ALK: variants seen among roughly 807,000 people sequenced by gnomAD.
The protein encoded by ALK is ALK tyrosine kinase receptor.
ALK carries 74 observed loss-of-function variants against 163.1 expected under a neutral mutation model. The observed-to-expected ratio is 0.45, with a 90% CI of 0.38 to 0.55. The LOEUF is 0.55. ALK is among the 20% of genes least tolerant of loss of function. The pLI is 0.00. For missense variants in ALK, 2,063 were observed against 2,105.3 expected, an observed-to-expected ratio of 0.98 and a Z score of 0.39; for synonymous variants, 960 against 843.2, an observed-to-expected ratio of 1.14 and a Z score of -2.40.
intron 3 of ALK, among the ~76,000 whole-genome samples, chr2:29,540,043 T>C (rs1352648758): frequency 2.6e-5 from 4 of 152,154 alleles, no homozygotes; most frequent in Non-Finnish European, 5.9e-5. Flanking sequence ...TAGTTAATAG[T>C]GGATATAGTG....
intron 14 of ALK, 84 bp downstream of exon 14, chr2:29,233,481 G>A: frequency 4.4e-6 from 7 of 1,577,438 alleles, no homozygotes; most frequent in South Asian, 1.1e-5. Flanking sequence ...AGCATCTGAG[G>A]TGTTTCTATC....
chr2:29,443,973 C>T (rs1305666373), intron 4 of ALK, among the ~76,000 whole-genome samples: 1 of 152,162 alleles, frequency 6.6e-6, no homozygotes, highest in African/African-American at 2.4e-5. Flanking sequence ...ACTGTTTCTA[C>T]CAGATTGCTC....
intron 4 of ALK, among the ~76,000 whole-genome samples, chr2:29,529,590 C>A (rs1311596954): frequency 6.6e-6 from 1 of 152,184 alleles, no homozygotes; most frequent in Non-Finnish European, 1.5e-5. Flanking sequence ...CAAAGCTGGG[C>A]AAGTTTTGAT....
At chr2:29,600,413 G>A (rs1020277276) in intron 3 of ALK, among the ~76,000 whole-genome samples, 5 of 152,214 alleles carry the variant, frequency 3.3e-5, no homozygotes, top group Non-Finnish European at 5.9e-5. Flanking sequence ...AGAGGAGGTG[G>A]TTATCAAAGA....
chr2:29,755,637 C>T (rs1465982721), intron 1 of ALK, among the ~76,000 whole-genome samples: 1 of 152,178 alleles, frequency 6.6e-6, no homozygotes, highest in East Asian at 1.9e-4. Context: ...AGGCAACAAA[C>T]TGAGCACATT....
intron 13 of ALK, among the ~76,000 whole-genome samples, chr2:29,238,493 G>A (rs1013461924): frequency 3.9e-5 from 6 of 152,154 alleles, no homozygotes; most frequent in Admixed American, 1.3e-4. Flanking sequence ...CACCGCACCC[G>A]GCCCCTGCAG....
chr2:29,531,001 T>A (rs1044933958), intron 4 of ALK, among the ~76,000 whole-genome samples: 20 of 152,162 alleles, frequency 1.3e-4, no homozygotes, highest in African/African-American at 4.8e-4. Context: ...AAGGAGGCCA[T>A]TCAGCCTTAT....
chr2:29,348,111 C>T (rs977711031), intron 5 of ALK, among the ~76,000 whole-genome samples: 7 of 152,120 alleles, frequency 4.6e-5, no homozygotes, highest in African/African-American at 1.2e-4. Flanking sequence ...GAAGGAGTTG[C>T]TTCTTCTCAG....
chr2:29,229,626 T>C (rs974079512), intron 15 of ALK, among the ~76,000 whole-genome samples: 1 of 152,188 alleles, frequency 6.6e-6, no homozygotes, highest in African/African-American at 2.4e-5. Context: ...TCTGAGCCTG[T>C]GTTTCCTCAC....
intron 5 of ALK, among the ~76,000 whole-genome samples, chr2:29,347,216 T>C (rs1667974978): frequency 6.6e-6 from 1 of 152,168 alleles, no homozygotes; most frequent in Non-Finnish European, 1.5e-5. Flanking sequence ...TGGCTGCCAG[T>C]TCAGGGCTTC....
chr2:29,745,977 A>T (rs1460441815), intron 1 of ALK, among the ~76,000 whole-genome samples: 6 of 152,204 alleles, frequency 3.9e-5, no homozygotes, highest in Admixed American at 1.3e-4. Context: ...AGGTATAATA[A>T]TAGCAATCTT....
chr2:29,435,853 T>C (rs181621427), intron 4 of ALK, among the ~76,000 whole-genome samples: 1,586 of 152,230 alleles, frequency 0.01, 14 homozygotes, highest in African/African-American at 0.037. Context: ...GTCTTAAGGA[T>C]TTTTATTTTT....
At chr2:29,892,725 A>G (rs1667176352) in intron 1 of ALK, among the ~76,000 whole-genome samples, 3 of 151,984 alleles carry the variant, frequency 2.0e-5, no homozygotes. Context: ...CTGTCCCCAC[A>G]CTCCAGACTG....
intron 1 of ALK, among the ~76,000 whole-genome samples, chr2:29,850,947 G>A (rs573684591): frequency 7.9e-5 from 12 of 152,310 alleles, no homozygotes; most frequent in East Asian, 1.9e-4. Flanking sequence ...ACCCTTCACC[G>A]GTGCCGGTGT....
chr2:29,820,232 C>T (rs1306812516), intron 1 of ALK, among the ~76,000 whole-genome samples: 2 of 152,146 alleles, frequency 1.3e-5, no homozygotes, highest in Non-Finnish European at 2.9e-5. Context: ...AACCAGCTGC[C>T]ACGCCATGAG....
chr2:29,228,806 G>A, intron 16 of ALK, 78 bp downstream of exon 16: 1 of 978,166 alleles, frequency 1.0e-6, no homozygotes, highest in Non-Finnish European at 1.7e-6. Flanking sequence ...GGGAGGGCAG[G>A]GGAGGGCAGG....
intron 1 of ALK, among the ~76,000 whole-genome samples, chr2:29,894,878 C>A (rs539267809): frequency 3.3e-5 from 5 of 150,752 alleles, no homozygotes; most frequent in African/African-American, 9.8e-5. Flanking sequence ...ACACACACAC[C>A]CCGACATACT....
intron 3 of ALK, chr2:29,681,061 G>A (rs943917841): frequency 6.6e-6 from 1 of 152,106 alleles, no homozygotes; most frequent in African/African-American, 2.4e-5. Flanking sequence ...CCAGGCTGGA[G>A]TGCTGTGGCT....
intron 1 of ALK, among the ~76,000 whole-genome samples, chr2:29,720,070 G>C (rs557972989): frequency 6.6e-6 from 1 of 152,138 alleles, no homozygotes; most frequent in South Asian, 2.1e-4. Context: ...TTCAGTTTGG[G>C]AATGATATTA....
Sources: allele counts gnomAD v4.1 joint callset (sites outside exome capture counted in the v4.1 genomes callset), GRCh38; gene constraint gnomAD v4.1.1; transcripts MANE v1.5; gene names NCBI Gene and HGNC (gene_info 2026-07-23, HGNC 2026-07-21).